The following CHD6 variants were observed in gnomAD, a reference collection of about 807,000 sequenced individuals.
CHD6 encodes ATP-dependent chromatin remodeler CHD6.
In CHD6, 50 loss-of-function variants were observed where a neutral mutation model predicts 276.9. That is an observed-to-expected ratio of 0.18 (90% CI 0.14 to 0.23). CHD6 has a LOEUF of 0.23. CHD6 is among the 10% of genes least tolerant of loss of function. The pLI is 1.00. For missense variants in CHD6, 2,564 were observed against 3,365.8 expected, an observed-to-expected ratio of 0.76 and a Z score of 5.89; for synonymous variants, 1,173 against 1,229.3, an observed-to-expected ratio of 0.95 and a Z score of 0.96.
chr20:41,494,131 T>C (rs1337107083), intron 8 of CHD6, among the ~76,000 whole-genome samples, 187 bp from the exon 9 acceptor site: 5 of 152,198 alleles, frequency 3.3e-5, no homozygotes, highest in Non-Finnish European at 7.3e-5. Flanking sequence ...CATGACTAAA[T>C]TTAAAGGATC....
intron 2 of CHD6, among the ~76,000 whole-genome samples, chr20:41,543,532 T>A (rs946631675): frequency 6.6e-6 from 1 of 152,216 alleles, no homozygotes; most frequent in Non-Finnish European, 1.5e-5. Flanking sequence ...TCTTCATAAA[T>A]CCACTTGTTC....
chr20:41,527,980 C>A (rs2044585740), intron 3 of CHD6, among the ~76,000 whole-genome samples: 1 of 152,134 alleles, frequency 6.6e-6, no homozygotes, highest in African/African-American at 2.4e-5. Flanking sequence ...CAGGTCCTCC[C>A]CAGATTCCAG....
In CHD6 at chr20:41,489,928, G is replaced by T; in HGVS notation, c.1530C>A (p.Gly510=). ...AGAGAGGGGCGATAATGAGAAAAGG[G>T]CCGTGGATTCCTCTCAGAAATATTT... ...LSEIFLRGIH[G]PFLIIAPLST... is the part of the protein sequence containing the mutation. The change falls in exon 12 of 37, where the codon GGC becomes GGA. Residue 510 remains glycine (G), a synonymous_variant. Coordinates refer to ENST00000373233, the MANE Select transcript of CHD6 (RefSeq NM_032221.5). The T allele has an allele frequency of 1.2e-6, 2 of 1,614,042 alleles. No individual in the cohort carries two copies. Among genetic ancestry groups the T allele is most frequent in the Non-Finnish European group, 1.7e-6 (2 of 1,179,960 alleles).
rs1256700759 is a variant in CHD6 at position 41,402,648 on chromosome 20, T to C, written c.*1945A>G. ...GATTTAGGGCAAATACATTTTTTTT[T>C]CTACTTGATAAAAAGAAAATTAGTA... On this transcript the variant is annotated 3_prime_UTR_variant, in exon 37 of 37. Transcript: ENST00000373233. 4.5e-6 allele frequency: 1 copy of C among 220,740 alleles called. No individual in the cohort carries two copies. Among genetic ancestry groups the C allele is most frequent in the Non-Finnish European group, 9.1e-6 (1 of 110,350 alleles). 13.7% of individuals were successfully genotyped at this position (220,740 alleles called of 1,614,324 possible). A position where few individuals can be genotyped will look rare whatever the true frequency, so the allele number is the denominator to read the frequency against.
In CHD6 at chr20:41,421,230, A is replaced by G. The variant is rs373387030; in HGVS notation, c.5405T>C (p.Ile1802Thr). The G allele has an allele frequency of 3.9e-5, 63 of 1,613,748 alleles. No individual in the cohort carries two copies. Among genetic ancestry groups the G allele is most frequent in the Admixed American group, 1.7e-4 (10 of 59,986 alleles). Residue 1802 changes from isoleucine to threonine, a missense_variant, in exon 31 of 37, where the codon ATT (isoleucine) becomes ACT (threonine). Ile to Thr is a moderately conservative substitution (Grantham distance 89). Transcript: ENST00000373233. ...CSEAGQRPENIGQLEAKCLAS... is the reference protein window; with the variant it reads ...CSEAGQRPENTGQLEAKCLAS... Reference sequence around the variant, plus strand: ...TAAACACTTGGCTTCCAGCTGGCCAATGTTTTCAGGTCTCTGTCCTGCCTC... The same window carrying G: ...TAAACACTTGGCTTCCAGCTGGCCAGTGTTTTCAGGTCTCTGTCCTGCCTC...
intron 1 of CHD6, among the ~76,000 whole-genome samples, chr20:41,555,929 G>A (rs918154003): frequency 4.6e-5 from 7 of 152,220 alleles, no homozygotes; most frequent in Admixed American, 2.0e-4. Context: ...GTAGCGAGCC[G>A]AGATCACGCC....
intron 14 of CHD6, chr20:41,486,297 C>T (rs1265507709): frequency 6.6e-6 from 1 of 152,158 alleles, no homozygotes; most frequent in Non-Finnish European, 1.5e-5. Context: ...ACAAACACAA[C>T]TTGGGAGAAG....
At chr20:41,482,235 C>T (rs1213508450) in intron 16 of CHD6, among the ~76,000 whole-genome samples, 1 of 152,084 alleles carries the variant, frequency 6.6e-6, no homozygotes, top group African/African-American at 2.4e-5. Flanking sequence ...TGGCAATAGG[C>T]TCCTAATCTA....
intron 1 of CHD6, among the ~76,000 whole-genome samples, chr20:41,580,967 G>A (rs1185995077): frequency 6.6e-6 from 1 of 152,080 alleles, no homozygotes. Context: ...CTCCCTTTCT[G>A]CTGTTAATAT....
At position 41,501,704 on chromosome 20, in the gene CHD6, A is replaced by C. The variant is rs141605615; in HGVS notation, c.853-2347T>G. On this transcript the variant is annotated intron_variant, in intron 5 of 36. Transcript: ENST00000373233. The stretch of plus-strand genomic sequence containing the variant: ...GGGTTATGGGGTAGGTAGATGTCTA[A>C]TTTTAATAAATATTGTCAATAAATA... Among the ~76,000 whole-genome samples the C allele has an allele frequency of 6.3e-3, 964 of 152,286 alleles. 11 individuals are homozygous for C. Among genetic ancestry groups the C allele is most frequent in the Middle Eastern group, 0.024 (7 of 294 alleles).
At chr20:41,607,344 T>C (rs2045840103) in intron 1 of CHD6, among the ~76,000 whole-genome samples, 1 of 152,216 alleles carries the variant, frequency 6.6e-6, no homozygotes, top group Non-Finnish European at 1.5e-5. Context: ...AGCTCTAATC[T>C]GACATTGATC....
Position 41,451,804 on chromosome 20 carries a change from G to T in CHD6, c.3523+22C>A, listed in dbSNP as rs1361196263. The T allele has an allele frequency of 1.9e-6, 3 of 1,609,700 alleles. No individual in the cohort carries two copies. The South Asian group carries it at 3.3e-5, about 18-fold the overall frequency. On this transcript the variant is annotated intron_variant, in intron 22 of 36. Transcript: ENST00000373233. Reference sequence around the variant, plus strand: ...AGTGCATGGGAATCGTGCTTCTTAGGCATGGCCCTGCCACCTCTCACCTGA... The same window carrying T: ...AGTGCATGGGAATCGTGCTTCTTAGTCATGGCCCTGCCACCTCTCACCTGA...
chr20:41,512,700 C>G, intron 5 of CHD6, 146 bp downstream of exon 5: 1 of 867,424 alleles, frequency 1.2e-6, no homozygotes, highest in Non-Finnish European at 1.8e-6. Flanking sequence ...AATGTCATTC[C>G]CAATGCAACA....
intron 1 of CHD6, among the ~76,000 whole-genome samples, chr20:41,609,603 C>T (rs571571848): frequency 6.6e-5 from 10 of 152,300 alleles, no homozygotes; most frequent in South Asian, 2.1e-4. Context: ...CAGCCCTATC[C>T]GTGATTTTTA....
At chr20:41,481,416 T>C (rs1183108431) in intron 16 of CHD6, among the ~76,000 whole-genome samples, 1 of 151,858 alleles carries the variant, frequency 6.6e-6, no homozygotes, top group Non-Finnish European at 1.5e-5. Flanking sequence ...ATGAAAAACA[T>C]GAATACACAA....
At chr20:41,517,573 T>A (rs529886290) in intron 3 of CHD6, among the ~76,000 whole-genome samples, 1 of 152,368 alleles carries the variant, frequency 6.6e-6, no homozygotes, top group East Asian at 1.9e-4. Context: ...TTCCTTTTCT[T>A]ATCAGTTCAG....
At chr20:41,485,804 T>G (rs762311740) in intron 14 of CHD6, 7 of 152,134 alleles carry the variant, frequency 4.6e-5, no homozygotes, top group Non-Finnish European at 1.0e-4. Flanking sequence ...AATAACAATG[T>G]ACAGTATTTC....
In CHD6 at chr20:41,533,037, G is replaced by A. The variant is rs1447423725; in HGVS notation, c.554+13C>T. ...CATAGGCAAGTGCTCAGAGAAGGGAGAAAGGAACGTACCTGGCCTTCCTGG... is the reference window on the plus strand; with the variant it reads ...CATAGGCAAGTGCTCAGAGAAGGGAAAAAGGAACGTACCTGGCCTTCCTGG... On this transcript the variant is annotated intron_variant, in intron 3 of 36. Coordinates refer to ENST00000373233, the MANE Select transcript of CHD6 (RefSeq NM_032221.5). 1 of 1,567,640 alleles carries A rather than the reference G, an allele frequency of 6.4e-7. No homozygotes were observed. Among genetic ancestry groups the A allele is most frequent in the East Asian group, 2.2e-5 (1 of 44,766 alleles).
At chr20:41,535,522 T>C (rs2044809850) in intron 2 of CHD6, among the ~76,000 whole-genome samples, 2 of 152,178 alleles carry the variant, frequency 1.3e-5, no homozygotes, top group Non-Finnish European at 2.9e-5. Flanking sequence ...GGAACTACAA[T>C]GATTGCTAGG....
Sources: gnomAD v4.1 joint callset for allele counts (sites outside exome capture counted in the v4.1 genomes callset) on GRCh38, gnomAD v4.1.1 for gene constraint, MANE v1.5 for transcripts, NCBI Gene and HGNC (gene_info 2026-07-23, HGNC 2026-07-21) for gene names.